The following BRAF variants were observed in gnomAD, a reference collection of about 807,000 sequenced individuals.
The protein encoded by BRAF is serine/threonine-protein kinase B-raf.
In BRAF, 16 loss-of-function variants were observed where a neutral mutation model predicts 104.6. That is an observed-to-expected ratio of 0.15 (90% CI 0.10 to 0.23). The LOEUF (loss-of-function observed/expected upper bound fraction) is 0.23. Ranked by LOEUF, BRAF falls within the 10% of genes least tolerant of loss-of-function variation. The pLI is 1.00. For missense variants in BRAF, 541 were observed against 937.3 expected (o/e 0.58, Z 5.52); for synonymous variants, 310 against 341.6 (o/e 0.91, Z 1.02).
chr7:140,837,927 A>C (rs1185125430), intron 2 of BRAF, among the ~76,000 whole-genome samples: 1 of 152,170 alleles, frequency 6.6e-6, no homozygotes, highest in Non-Finnish European at 1.5e-5. Context: ...CTTCAGTGCT[A>C]ATATTGGGTG....
At position 140,785,742 on chromosome 7, in the gene BRAF, T is replaced by C. The variant is rs1026592386; in HGVS notation, c.1244A>G (p.His415Arg). 5.0e-6 allele frequency: 2 copies of C among 398,862 alleles called. No homozygotes were observed. Among genetic ancestry groups the C allele is most frequent in the Non-Finnish European group, 8.8e-6 (2 of 226,100 alleles). The allele number at this position is 398,862 out of a possible 1,614,324, so 24.7% of individuals were successfully genotyped here. The change falls in exon 10 of 20, where the codon CAT (histidine) becomes CGT (arginine). Residue 415 changes from histidine to arginine, a missense_variant. Transcript: ENST00000644969. ...YQSRTPSPLL[H>R]SVPSEIVFDF... ...AAACACTATTTCACTGGGGACAGAA[T>C]GTAGGAGGGGACTGGGAGTCCGGGA...
At chr7:140,798,280 T>TTTTTTTTTTTTTA (rs1586200322) in intron 7 of BRAF, among the ~76,000 whole-genome samples, 7 of 146,260 alleles carry the variant, frequency 4.8e-5, no homozygotes, top group African/African-American at 1.0e-4. Context: ...TTCTTTTTTT[T>TTTTTTTTTTTTTA]GAGACGGAGT....
chr7:140,784,057 GCC>G (rs1801126864), intron 10 of BRAF, among the ~76,000 whole-genome samples: 1 of 152,124 alleles, frequency 6.6e-6, no homozygotes, highest in Admixed American at 6.5e-5. Context: ...TCTTACTGGG[GCC>G]TGAATACAGC....
chr7:140,829,398 A>T lies in BRAF; in HGVS notation c.504+5211T>A, dbSNP rs1586319878. ...TGATTCTGATAGAATTTACTTTTGT[A>T]AGCAGTCTAAGATGTGGGCCCAATT... is the stretch of plus-strand genomic sequence containing the variant. On this transcript the variant is annotated intron_variant, in intron 3 of 19. Coordinates refer to ENST00000644969, the MANE Select transcript of BRAF (RefSeq NM_001374258.1). Among the ~76,000 whole-genome samples, 2 of 142,232 alleles carry T rather than the reference A, an allele frequency of 1.4e-5. 1 individual carries two copies. Among genetic ancestry groups the T allele is most frequent in the Middle Eastern group, 7.0e-3 (2 of 286 alleles). 93.3% of individuals were successfully genotyped at this position (142,232 alleles called of 152,430 possible).
Position 140,748,277 on chromosome 7 carries a change from A to G in BRAF, c.2112+1010T>C, listed in dbSNP as rs183683055. ...GAAGCAGTAACATTTATATACAAAA[A>G]CTACCATTTCATTAGGTTGGGAAGT... On this transcript the variant is annotated intron_variant, in intron 17 of 19. Coordinates refer to ENST00000644969, the MANE Select transcript of BRAF (RefSeq NM_001374258.1). Among the ~76,000 whole-genome samples, 483 of 152,300 alleles carry G rather than the reference A, an allele frequency of 3.2e-3. 2 individuals carry two copies. The highest frequency in any genetic ancestry group is 3.4e-3 in the Middle Eastern group (1 of 294).
intron 15 of BRAF, 150 bp from the exon 15 acceptor site, chr7:140,753,543 A>G (rs916304984): frequency 2.0e-5 from 12 of 595,158 alleles, no homozygotes; most frequent in Admixed American, 5.0e-5. Context: ...CTTAGAGTCA[A>G]TAAGTATGTC....
chr7:140,728,220 T>C (rs898119368), intron 19 of BRAF, among the ~76,000 whole-genome samples: 1 of 152,192 alleles, frequency 6.6e-6, no homozygotes, highest in East Asian at 1.9e-4. Context: ...TGCTATCATC[T>C]ATATTATATA....
chr7:140,852,548 T>C (rs1355975461), intron 1 of BRAF, among the ~76,000 whole-genome samples: 1 of 152,150 alleles, frequency 6.6e-6, no homozygotes, highest in Non-Finnish European at 1.5e-5. Context: ...TCCAGTCAGG[T>C]ATTTCAATGT....
intron 1 of BRAF, among the ~76,000 whole-genome samples, chr7:140,867,051 C>A (rs140477631): frequency 3.9e-5 from 6 of 152,258 alleles, no homozygotes; most frequent in Non-Finnish European, 8.8e-5. Context: ...TCCATTTTCC[C>A]TGTGCCATAT....
intron 2 of BRAF, 132 bp downstream of exon 2, chr7:140,849,979 A>G: frequency 1.5e-6 from 1 of 671,932 alleles, no homozygotes; most frequent in Non-Finnish European, 2.6e-6. Context: ...AATACAGGCA[A>G]AGCTAATTCT....
intron 12 of BRAF, among the ~76,000 whole-genome samples, 165 bp from the exon 12 acceptor site, chr7:140,778,240 C>T (rs1028467569): frequency 1.3e-5 from 2 of 152,180 alleles, no homozygotes; most frequent in Non-Finnish European, 2.9e-5. Context: ...TTTTCTAAGG[C>T]TAAAAATTCA....
chr7:140,728,482 A>G (rs1388820295), intron 19 of BRAF, among the ~76,000 whole-genome samples: 1 of 152,160 alleles, frequency 6.6e-6, no homozygotes, highest in African/African-American at 2.4e-5. Flanking sequence ...TCCAAAGATC[A>G]AGAAAGGGTA....
intron 1 of BRAF, among the ~76,000 whole-genome samples, chr7:140,876,531 A>G (rs1386157155): frequency 2.0e-5 from 3 of 152,206 alleles, no homozygotes; most frequent in Admixed American, 6.5e-5. Flanking sequence ...AGATTGTTAG[A>G]ATGAATTTTT....
Position 140,721,918 on chromosome 7 carries a change from T to C in BRAF, c.*4576A>G. The stretch of plus-strand genomic sequence containing the variant: ...ATCAAGTCCCGGGAAGAAATTTACA[T>C]TTCAAACTCTGAAAAATCAGTGTCT... On this transcript the variant is annotated 3_prime_UTR_variant, in exon 20 of 20. Coordinates refer to ENST00000644969, the MANE Select transcript of BRAF (RefSeq NM_001374258.1). 7.9e-7 allele frequency: 1 copy of C among 1,262,614 alleles called. No homozygotes were observed. Among genetic ancestry groups the C allele is most frequent in the Non-Finnish European group, 9.9e-7 (1 of 1,006,546 alleles). 78.2% of individuals were successfully genotyped at this position (1,262,614 alleles called of 1,614,324 possible). A position where few individuals can be genotyped will look rare whatever the true frequency, so the allele number is the denominator to read the frequency against.
Position 140,725,107 on chromosome 7 carries a change from G to T in BRAF, c.*1387C>A. 1.9e-6 allele frequency: 2 copies of T among 1,043,112 alleles called. No homozygotes were observed. The highest frequency in any genetic ancestry group is 2.3e-6 in the Non-Finnish European group (2 of 865,328). 64.6% of individuals were successfully genotyped at this position (1,043,112 alleles called of 1,614,324 possible). ...CTGCCAAATTGCCCAACCTTTTGAA[G>T]ACCAGGCTTGGGAAAAAAGGAAGAA... is the stretch of plus-strand genomic sequence containing the variant. On this transcript the variant is annotated 3_prime_UTR_variant, in exon 20 of 20. Coordinates refer to ENST00000644969, the MANE Select transcript of BRAF (RefSeq NM_001374258.1).
At chr7:140,842,980 T>C (rs1808137867) in intron 2 of BRAF, among the ~76,000 whole-genome samples, 1 of 152,224 alleles carries the variant, frequency 6.6e-6, no homozygotes, top group African/African-American at 2.4e-5. Flanking sequence ...AATAAGTAGT[T>C]GAAGATTTAT....
rs1795248874 is a variant in BRAF, at chr7:140,720,069, CAA to C, written c.*6423_*6424del. On this transcript the variant is annotated 3_prime_UTR_variant, in exon 20 of 20. Coordinates refer to ENST00000644969, the MANE Select transcript of BRAF (RefSeq NM_001374258.1). ...GGATTTCCTTTTTCTTGGTCTAAAC[CAA>C]AGAGCAATGACAACTACTGAATAAA... 9.4e-7 allele frequency: 1 copy of C among 1,060,300 alleles called. No individual in the cohort carries two copies. The allele number at this position is 1,060,300 out of a possible 1,614,324, so 65.7% of individuals were successfully genotyped here. A position where few individuals can be genotyped will look rare whatever the true frequency, so the allele number is the denominator to read the frequency against.
chr7:140,876,111 A>G (rs1411683077), intron 1 of BRAF, among the ~76,000 whole-genome samples: 1 of 152,236 alleles, frequency 6.6e-6, no homozygotes. Flanking sequence ...GCATTGCCCA[A>G]TGAAGCTTTC....
chr7:140,763,238 T>C (rs982354751), intron 14 of BRAF, among the ~76,000 whole-genome samples: 1 of 150,526 alleles, frequency 6.6e-6, no homozygotes, highest in African/African-American at 2.5e-5. Context: ...GGCGGGGGGC[T>C]GACCCCCCAA....
Sources: gnomAD v4.1 joint callset for allele counts (sites outside exome capture counted in the v4.1 genomes callset) on GRCh38, gnomAD v4.1.1 for gene constraint, MANE v1.5 for transcripts, NCBI Gene and HGNC (gene_info 2026-07-23, HGNC 2026-07-21) for gene names.